The following EFNB2 variants were observed in gnomAD, a reference collection of about 807,000 sequenced individuals.
EFNB2 encodes ephrin-B2.
In EFNB2, 5 loss-of-function variants were observed where a neutral mutation model predicts 32.1. The ratio of observed to expected loss-of-function variants is 0.16; its 90% CI spans 0.08 to 0.33. The LOEUF (loss-of-function observed/expected upper bound fraction) is 0.33, where lower values mean the gene tolerates loss of function less well. Ranked by LOEUF, EFNB2 falls within the 10% of genes least tolerant of loss-of-function variation. The pLI is 1.00. For synonymous variants in EFNB2, 168 were observed against 166.5 expected (o/e 1.01, Z -0.07); for missense variants, 263 against 422.6 (o/e 0.62, Z 3.31).
chr13:106,500,075 A>G, intron 2 of EFNB2, among the ~76,000 whole-genome samples: 1 of 152,210 alleles, frequency 6.6e-6, no homozygotes, highest in Non-Finnish European at 1.5e-5. Flanking sequence ...TGAGTAGGAA[A>G]AAAAAGAGAA....
chr13:106,530,275 G>A (rs1879828813), intron 1 of EFNB2, among the ~76,000 whole-genome samples: 1 of 152,078 alleles, frequency 6.6e-6, no homozygotes, highest in Non-Finnish European at 1.5e-5. Context: ...CCCTTAAAAA[G>A]AAGGGGGGAG....
In EFNB2 at chr13:106,513,031, T is replaced by C. The variant is rs115513691; in HGVS notation, c.123-219A>G. 6.8e-3 allele frequency among the ~76,000 whole-genome samples: 1,043 copies of C among 152,324 alleles called. 12 individuals carry two copies. The highest frequency in any genetic ancestry group is 0.022 in the African/African-American group (927 of 41,568). On this transcript the variant is annotated intron_variant, in intron 1 of 4. Transcript: ENST00000646441. ...GAAAGACAGAAAGAAACCACTTTCC[T>C]TACTCTAAGCTGTAGGATCAGGCTA...
intron 2 of EFNB2, chr13:106,506,090 G>A (rs116383271): frequency 5.1e-4 from 77 of 152,218 alleles, no homozygotes; most frequent in African/African-American, 1.7e-3. Flanking sequence ...ATTCAATCAG[G>A]AGTCTCACTG....
intron 2 of EFNB2, chr13:106,510,329 A>G (rs1232668071): frequency 2.0e-5 from 3 of 152,288 alleles, no homozygotes; most frequent in Non-Finnish European, 2.9e-5. Flanking sequence ...CATTAAGCAA[A>G]GAGATGTTGG....
At chr13:106,522,136 A>C (rs1267984927) in intron 1 of EFNB2, among the ~76,000 whole-genome samples, 1 of 152,168 alleles carries the variant, frequency 6.6e-6, no homozygotes, top group Non-Finnish European at 1.5e-5. Context: ...GGAGATTTGA[A>C]GAGTAAGGCT....
intron 2 of EFNB2, among the ~76,000 whole-genome samples, chr13:106,498,662 T>C (rs1009119229): frequency 1.3e-5 from 2 of 152,110 alleles, no homozygotes; most frequent in African/African-American, 4.8e-5. Flanking sequence ...TATTTCTTGG[T>C]TTAAAAAAAA....
At chr13:106,521,604 T>C (rs1434676611) in intron 1 of EFNB2, 4 of 152,182 alleles carry the variant, frequency 2.6e-5, no homozygotes, top group Non-Finnish European at 5.9e-5. Context: ...CAAAATAATA[T>C]TAAATTTCAC....
intron 1 of EFNB2, among the ~76,000 whole-genome samples, chr13:106,530,142 C>A (rs1330069115): frequency 1.3e-5 from 2 of 152,142 alleles, no homozygotes; most frequent in African/African-American, 2.4e-5. Flanking sequence ...TCTTTGTATT[C>A]TTTGGCTTTA....
chr13:106,505,033 C>G (rs1164421474), intron 2 of EFNB2, among the ~76,000 whole-genome samples: 1 of 152,134 alleles, frequency 6.6e-6, no homozygotes, highest in Non-Finnish European at 1.5e-5. Flanking sequence ...TTCCCAATGG[C>G]CTTCCTTTCC....
intron 2 of EFNB2, among the ~76,000 whole-genome samples, chr13:106,511,946 T>G (rs909329371): frequency 2.0e-5 from 3 of 152,076 alleles, no homozygotes; most frequent in African/African-American, 7.2e-5. Flanking sequence ...CAAAAAAGAG[T>G]AATGTACTAA....
chr13:106,534,947 G>A lies in EFNB2; in HGVS notation c.18C>T (p.Asp6=), dbSNP rs151018760. The part of the protein sequence containing the change: MAVRR[D]SVWKYCWGVL... ...CACCCCAGCAGTACTTCCACACGGAGTCCCTTCTCACAGCCATGGCGAAGC... is the reference window on the plus strand; with the variant it reads ...CACCCCAGCAGTACTTCCACACGGAATCCCTTCTCACAGCCATGGCGAAGC... The change falls in exon 1 of 5, where the codon GAC becomes GAT. Residue 6 remains aspartate, a synonymous_variant. Coordinates refer to ENST00000646441, the MANE Select transcript of EFNB2 (RefSeq NM_004093.4). 2.1e-3 allele frequency: 3,418 copies of A among 1,613,352 alleles called. 7 individuals are homozygous for A. The highest frequency in any genetic ancestry group is 3.3e-3 in the Middle Eastern group (20 of 6,056).
rs74418549 is a variant in EFNB2, at chr13:106,530,979, A to T, written c.122+3864T>A. Among the ~76,000 whole-genome samples the T allele has an allele frequency of 7.9e-3, 1,198 of 152,260 alleles. 14 individuals carry two copies. Among genetic ancestry groups the T allele is most frequent in the African/African-American group, 0.028 (1,144 of 41,542 alleles). On this transcript the variant is annotated intron_variant, in intron 1 of 4. Coordinates refer to ENST00000646441, the MANE Select transcript of EFNB2 (RefSeq NM_004093.4). Reference sequence around the variant, plus strand: ...CTGTCTGGAGGAACCATTCAAACACATAGTTTTTAGCAAGCTGGTCTCCAG... The same window carrying T: ...CTGTCTGGAGGAACCATTCAAACACTTAGTTTTTAGCAAGCTGGTCTCCAG...
At chr13:106,526,984 C>A (rs1304510449) in intron 1 of EFNB2, among the ~76,000 whole-genome samples, 1 of 152,128 alleles carries the variant, frequency 6.6e-6, no homozygotes, top group Non-Finnish European at 1.5e-5. Flanking sequence ...AGGAGCTGCA[C>A]CCACCCCACT....
intron 2 of EFNB2, among the ~76,000 whole-genome samples, chr13:106,505,242 ATG>A (rs1187363231): frequency 2.0e-5 from 3 of 152,166 alleles, no homozygotes; most frequent in African/African-American, 7.2e-5. Flanking sequence ...GTCTCTACAT[ATG>A]TGTTATGTAT....
In EFNB2 at chr13:106,493,951, G is replaced by A. The variant is rs535341837; in HGVS notation, c.614-523C>T. On this transcript the variant is annotated intron_variant, in intron 4 of 4. Coordinates refer to ENST00000646441, the MANE Select transcript of EFNB2 (RefSeq NM_004093.4). This position sits in a 1 kb window ranked among gnomAD's most constrained non-coding sequence, Gnocchi z 6.1. The stretch of plus-strand genomic sequence containing the variant: ...GGGGGCCTGGGAAAATGTTCAGCTC[G>A]TAACTCGTCTGTATTATTTGATTTA... Among the ~76,000 whole-genome samples the A allele has an allele frequency of 2.6e-5, 4 of 152,324 alleles. No homozygotes were observed. The highest frequency in any genetic ancestry group is 4.8e-5 in the African/African-American group (2 of 41,578).
intron 1 of EFNB2, among the ~76,000 whole-genome samples, chr13:106,523,243 G>A (rs764507225): frequency 6.6e-6 from 1 of 152,146 alleles, no homozygotes; most frequent in Non-Finnish European, 1.5e-5. Flanking sequence ...TCAAAAGGAA[G>A]CAAAATCAGA....
At chr13:106,501,571 G>T (rs1027750832) in intron 2 of EFNB2, among the ~76,000 whole-genome samples, 1 of 150,268 alleles carries the variant, frequency 6.7e-6, no homozygotes, top group South Asian at 2.1e-4. Context: ...CTTGAAGAAA[G>T]AAAAATACAG....
At chr13:106,495,274 G>C (rs557653856) in intron 3 of EFNB2, among the ~76,000 whole-genome samples, 4 of 152,322 alleles carry the variant, frequency 2.6e-5, no homozygotes, top group Non-Finnish European at 5.9e-5. Flanking sequence ...TGAGCAAGTT[G>C]ATTGACTACT....
In EFNB2 at chr13:106,512,401, G is replaced by GAC. The variant is rs71713698; in HGVS notation, c.406+127_406+128insGT. The GAC allele has an allele frequency of 1.0e-5, 6 of 597,718 alleles. 1 individual carries two copies. Among genetic ancestry groups the GAC allele is most frequent in the Non-Finnish European group, 1.2e-5 (5 of 424,902 alleles). 37.0% of individuals were successfully genotyped at this position (597,718 alleles called of 1,614,324 possible). A position where few individuals can be genotyped will look rare whatever the true frequency, so the allele number is the denominator to read the frequency against. On this transcript the variant is annotated intron_variant, in intron 2 of 4. Transcript: ENST00000646441. ...TCTTTGAAAAAAAAAAAGGGGGGGG[G>GAC]GACAATTTTTCCACATAGATTTTCA...
Sources: gnomAD v4.1 joint callset for allele counts (sites outside exome capture counted in the v4.1 genomes callset) on GRCh38, gnomAD v4.1.1 for gene constraint, Gnocchi (gnomAD v3.1) non-coding constraint, MANE v1.5 for transcripts, NCBI Gene and HGNC (gene_info 2026-07-23, HGNC 2026-07-21) for gene names.